Variants in COL4A4 observed in about 807,000 individuals in gnomAD.
The protein encoded by COL4A4 is collagen alpha-4(IV) chain.
A neutral mutation model predicts 192.9 loss-of-function variants in COL4A4; 105 were observed. The ratio of observed to expected loss-of-function variants is 0.54; its 90% CI spans 0.46 to 0.64. The LOEUF (loss-of-function observed/expected upper bound fraction) is 0.64. Ranked by LOEUF, COL4A4 falls within the 30% of genes least tolerant of loss-of-function variation. The pLI is 0.00. For missense variants in COL4A4, 1,967 were observed against 2,169.3 expected (o/e 0.91, Z 1.85); for synonymous variants, 762 against 769.9 (o/e 0.99, Z 0.17).
intron 44 of COL4A4, among the ~76,000 whole-genome samples, chr2:227,018,646 C>T (rs1243057642): frequency 6.6e-6 from 1 of 152,176 alleles, no homozygotes; most frequent in Non-Finnish European, 1.5e-5. Context: ...GAAGGCGATG[C>T]TTCACCAGAA....
At chr2:227,099,748 G>C in intron 17 of COL4A4, 59 bp from the exon 18 acceptor site, 1 of 1,428,248 alleles carries the variant, frequency 7.0e-7, no homozygotes, top group African/African-American at 1.4e-5. Flanking sequence ...ATGTTGCCTG[G>C]CATTAAACCA....
Position 227,043,081 on chromosome 2 carries a change from G to C in COL4A4, c.3393C>G (p.Cys1131Trp). 1 of 1,611,296 alleles carries C rather than the reference G, an allele frequency of 6.2e-7. No individual in the cohort carries two copies. The highest frequency in any genetic ancestry group is 8.5e-7 in the Non-Finnish European group (1 of 1,178,306). Reference sequence around the variant, plus strand: ...CCAGATTTCCTTTCAAGGTACCTGGGCACCCTGGTGGTCCAGAGGAGCCAG... The same window carrying C: ...CCAGATTTCCTTTCAAGGTACCTGGCCACCCTGGTGGTCCAGAGGAGCCAG... ...GPPGSSGPPGCPGDHGMPGLR... is the reference protein window; with the variant it reads ...GPPGSSGPPGWPGDHGMPGLR... The change falls in exon 36 of 48, where the codon TGC becomes TGG. Residue 1131 changes from cysteine to tryptophan, a missense_variant. Physicochemically the swap from Cys to Trp is radical, Grantham distance 215 (BLOSUM62 -2). Transcript: ENST00000396625.
Position 227,089,697 on chromosome 2 carries a change from G to A in COL4A4, c.1459+171C>T, listed in dbSNP as rs187157130. Among the ~76,000 whole-genome samples the A allele has an allele frequency of 1.7e-3, 255 of 148,770 alleles. 1 individual carries two copies. Among genetic ancestry groups the A allele is most frequent in the Non-Finnish European group, 3.1e-3 (205 of 67,194 alleles). On this transcript the variant is annotated intron_variant, in intron 21 of 47. Transcript: ENST00000396625. ...GCTTTATAAATATATAAGACACAAG[G>A]CTTTGACTTTTCAGTGACTTGTAAT... is the stretch of plus-strand genomic sequence containing the variant.
chr2:227,024,039 A>G (rs1966549066), intron 43 of COL4A4, among the ~76,000 whole-genome samples: 1 of 150,540 alleles, frequency 6.6e-6, no homozygotes, highest in South Asian at 2.1e-4. Context: ...AAAAAAAACC[A>G]CTCAGGCTCA....
chr2:227,118,913 A>G (rs2061628593), intron 6 of COL4A4, 152 bp from the exon 7 acceptor site: 1 of 639,336 alleles, frequency 1.6e-6, no homozygotes, highest in Non-Finnish European at 2.8e-6. Flanking sequence ...AAGGCTACGT[A>G]GCATGTAAAA....
chr2:227,155,344 C>T (rs2064251446), intron 1 of COL4A4, among the ~76,000 whole-genome samples: 1 of 152,144 alleles, frequency 6.6e-6, no homozygotes, highest in South Asian at 2.1e-4. Context: ...GAGGTCTCCT[C>T]CCAATATCAA....
At chr2:226,974,976 G>C in the COL4A4 span, among the ~76,000 whole-genome samples, 1 of 152,206 alleles carries the variant, frequency 6.6e-6, no homozygotes, top group Non-Finnish European at 1.5e-5. Context: ...CCACTGCTCT[G>C]ATGGCCACAC....
chr2:227,047,497 C>A lies in COL4A4; in HGVS notation c.3267G>T (p.Glu1089Asp). Residue 1089 changes from glutamate (E) to aspartate (D), a missense_variant, in exon 35 of 48, where the codon GAG (glutamate) becomes GAT (aspartate). Physicochemically the swap from Glu to Asp is conservative, Grantham distance 45. Transcript: ENST00000396625. ...TACCTGGACATCCAGGGCTACCTGG[C>A]TCACCCTTTGGACCAGGTGGACCAA... Reference protein sequence around the residue: ...SHFGPPGPKGEPGSPGCPGHF... With the variant: ...SHFGPPGPKGDPGSPGCPGHF... The A allele has an allele frequency of 6.2e-7, 1 of 1,613,772 alleles. No homozygotes were observed. Among genetic ancestry groups the A allele is most frequent in the Non-Finnish European group, 8.5e-7 (1 of 1,179,786 alleles).
chr2:227,138,023 C>G (rs552504000), intron 4 of COL4A4, among the ~76,000 whole-genome samples: 42 of 152,182 alleles, frequency 2.8e-4, no homozygotes, highest in African/African-American at 9.6e-4. Flanking sequence ...CGGCTTCACA[C>G]AGTGGCTCAT....
At chr2:227,021,936 C>T (rs1966091816) in intron 44 of COL4A4, 112 bp downstream of exon 44, 3 of 1,257,730 alleles carry the variant, frequency 2.4e-6, no homozygotes, top group East Asian at 2.3e-5. Context: ...GAAAGACATG[C>T]TTTCTCCTCA....
At chr2:226,971,398 G>A in the COL4A4 span, among the ~76,000 whole-genome samples, 2 of 152,232 alleles carry the variant, frequency 1.3e-5, no homozygotes, top group African/African-American at 4.8e-5. Flanking sequence ...TGTCATCACA[G>A]TGAAGCAGAA....
intron 19 of COL4A4, among the ~76,000 whole-genome samples, chr2:227,096,818 C>G (rs963134403): frequency 2.0e-5 from 3 of 152,136 alleles, no homozygotes; most frequent in African/African-American, 7.2e-5. Context: ...ATGGCTTTCA[C>G]TAAATGCTAA....
At chr2:227,008,343 C>G in intron 46 of COL4A4, 39 bp from the exon 47 acceptor site, 2 of 1,605,842 alleles carry the variant, frequency 1.2e-6, no homozygotes, top group Non-Finnish European at 1.7e-6. Context: ...GTCCAAGCAC[C>G]CCATGTAGGT....
At chr2:227,024,272 A>G (rs1192412486) in intron 43 of COL4A4, among the ~76,000 whole-genome samples, 1 of 152,236 alleles carries the variant, frequency 6.6e-6, no homozygotes, top group Non-Finnish European at 1.5e-5. Context: ...GCACTTTGGG[A>G]GGCCGAGGCG....
At chr2:227,136,829 C>T (rs1382782412) in intron 4 of COL4A4, among the ~76,000 whole-genome samples, 1 of 152,240 alleles carries the variant, frequency 6.6e-6, no homozygotes, top group Non-Finnish European at 1.5e-5. Context: ...CGCTATGCCA[C>T]TTGAAGGCTG....
chr2:227,159,829 C>A (rs1392606725), intron 1 of COL4A4, among the ~76,000 whole-genome samples: 4 of 152,168 alleles, frequency 2.6e-5, no homozygotes, highest in Non-Finnish European at 4.4e-5. Flanking sequence ...TATAAATTAC[C>A]CAGTCTCAGG....
At chr2:226,968,793 CG>C in the COL4A4 span, among the ~76,000 whole-genome samples, 1 of 152,178 alleles carries the variant, frequency 6.6e-6, no homozygotes, top group African/African-American at 2.4e-5. Flanking sequence ...AAAGTATAAT[CG>C]GTGTTTGCAG....
At position 227,149,547 on chromosome 2, in the gene COL4A4, G is replaced by A. The variant is rs1174243104; in HGVS notation, c.-101-1963C>T. Among the ~76,000 whole-genome samples, 6 of 152,156 alleles carry A rather than the reference G, an allele frequency of 3.9e-5. No homozygotes were observed. The East Asian group carries it at 1.2e-3, about 29-fold the overall frequency. On this transcript the variant is annotated intron_variant, in intron 1 of 47. Coordinates refer to ENST00000396625, the MANE Select transcript of COL4A4 (RefSeq NM_000092.5). The stretch of plus-strand genomic sequence containing the variant: ...AAAATAAGGCAGGTTGGACAAGCTT[G>A]TCTAAAGCACATCTCAATAAAAACA...
intron 44 of COL4A4, 62 bp downstream of exon 44, chr2:227,021,986 T>C (rs1394553453): frequency 1.3e-6 from 2 of 1,570,538 alleles, no homozygotes; most frequent in African/African-American, 1.4e-5. Flanking sequence ...AAATAAAAGA[T>C]CTAGAATTTC....
Sources: gnomAD v4.1 joint callset for allele counts (sites outside exome capture counted in the v4.1 genomes callset) on GRCh38, gnomAD v4.1.1 for gene constraint, MANE v1.5 for transcripts, NCBI Gene and HGNC (gene_info 2026-07-23, HGNC 2026-07-21) for gene names.